Variants in LMO7 observed in about 807,000 individuals in gnomAD.
The protein encoded by LMO7 is LIM domain 7.
A neutral mutation model predicts 206.5 loss-of-function variants in LMO7; 120 were observed. The ratio of observed to expected loss-of-function variants is 0.58; its 90% CI spans 0.50 to 0.68. The LOEUF (loss-of-function observed/expected upper bound fraction) is 0.68, where lower values mean the gene tolerates loss of function less well. Ranked by LOEUF, LMO7 falls within the 30% of genes least tolerant of loss-of-function variation. LMO7 has a pLI of 0.00. For synonymous variants in LMO7, 706 were observed against 681.5 expected (o/e 1.04, Z -0.56); for missense variants, 1,959 against 1,957.9 (o/e 1.00, Z -0.01).
chr13:75,814,276 T>C (rs2056757714), intron 11 of LMO7, among the ~76,000 whole-genome samples: 1 of 152,186 alleles, frequency 6.6e-6, no homozygotes. Context: ...AAAACCTACC[T>C]CATTCTTACC....
intron 4 of LMO7, among the ~76,000 whole-genome samples, chr13:75,780,493 T>C (rs1321712050): frequency 1.3e-5 from 2 of 152,214 alleles, no homozygotes; most frequent in African/African-American, 4.8e-5. Context: ...TTATCTCCCT[T>C]GTTCCCTGAA....
intron 2 of LMO7, among the ~76,000 whole-genome samples, chr13:75,714,976 G>C (rs118152717): frequency 9.0e-4 from 137 of 152,090 alleles, no homozygotes; most frequent in Non-Finnish European, 1.6e-3. Context: ...TGCCTATGAA[G>C]CACGGAGTTT....
chr13:75,778,471 A>G (rs1349554694), intron 4 of LMO7, among the ~76,000 whole-genome samples: 1 of 152,184 alleles, frequency 6.6e-6, no homozygotes, highest in East Asian at 1.9e-4. Context: ...TGACCTCGTG[A>G]TCCACCCGCC....
rs115579689 is a variant in LMO7, at chr13:75,837,941, A to C, written c.3395-199A>C. Among the ~76,000 whole-genome samples, 548 of 152,202 alleles carry C rather than the reference A, an allele frequency of 3.6e-3. 4 individuals carry two copies. Among genetic ancestry groups the C allele is most frequent in the African/African-American group, 0.013 (524 of 41,510 alleles). Reference sequence around the variant, plus strand: ...ATTAATAAAAATATTCATTCCTTCTACTAATTTGAATGTAATGTAGGCTAC... The same window carrying C: ...ATTAATAAAAATATTCATTCCTTCTCCTAATTTGAATGTAATGTAGGCTAC... On this transcript the variant is annotated intron_variant, in intron 19 of 30. Transcript: ENST00000377534.
intron 4 of LMO7, among the ~76,000 whole-genome samples, chr13:75,776,709 A>G (rs958952824): frequency 1.3e-5 from 2 of 152,204 alleles, no homozygotes; most frequent in Non-Finnish European, 2.9e-5. Flanking sequence ...ACATGGGAAC[A>G]TCTAATATTA....
intron 13 of LMO7, among the ~76,000 whole-genome samples, chr13:75,820,890 G>T (rs1308448247): frequency 6.6e-6 from 1 of 151,978 alleles, no homozygotes; most frequent in Non-Finnish European, 1.5e-5. Flanking sequence ...CCAGCTACTC[G>T]GGAGGCTGAG....
At chr13:75,648,551 A>G (rs1594050015) in intron 1 of LMO7, among the ~76,000 whole-genome samples, 2 of 152,156 alleles carry the variant, frequency 1.3e-5, no homozygotes, top group Non-Finnish European at 1.5e-5. Flanking sequence ...TGGCTGTTCC[A>G]TATATCTGCC....
intron 1 of LMO7, among the ~76,000 whole-genome samples, chr13:75,648,610 GTGAT>G (rs2037270117): frequency 6.6e-6 from 1 of 152,222 alleles, no homozygotes; most frequent in African/African-American, 2.4e-5. Flanking sequence ...GCATAGAAAA[GTGAT>G]TGGACTTAAT....
chr13:75,703,391 A>T (rs1488540859), intron 1 of LMO7, among the ~76,000 whole-genome samples: 2 of 152,164 alleles, frequency 1.3e-5, no homozygotes, highest in African/African-American at 4.8e-5. Flanking sequence ...CACTAATTAC[A>T]GTTTAGAGTT....
At chr13:75,758,678 CTTTA>C (rs2047889211) in intron 3 of LMO7, among the ~76,000 whole-genome samples, 2 of 152,142 alleles carry the variant, frequency 1.3e-5, no homozygotes, top group East Asian at 1.9e-4. Context: ...GAGAGTTTGG[CTTTA>C]TTTATCTATC....
upstream of LMO7, among the ~76,000 whole-genome samples, chr13:75,634,379 G>A (rs571599917): frequency 3.9e-5 from 6 of 152,080 alleles, no homozygotes; most frequent in Admixed American, 1.3e-4. Flanking sequence ...TCAAGGTCAC[G>A]GGGAGCTATG....
At position 75,684,528 on chromosome 13, in the gene LMO7, A is replaced by T. The variant is rs1159549592; in HGVS notation, c.70-28654A>T. Among the ~76,000 whole-genome samples, 7 of 143,578 alleles carry T rather than the reference A, an allele frequency of 4.9e-5. No homozygotes were observed. The East Asian group carries it at 1.3e-3, about 27-fold the overall frequency. 94.2% of individuals were successfully genotyped at this position (143,578 alleles called of 152,430 possible). A position where few individuals can be genotyped will look rare whatever the true frequency, so the allele number is the denominator to read the frequency against. On this transcript the variant is annotated intron_variant, in intron 1 of 30. Coordinates refer to ENST00000377534, the MANE Select transcript of LMO7 (RefSeq NM_001306080.2). ...CCAAAGTGCTGGGATTACAGGCGTGAGCCACTGCGCCCGGCCGGCTTTTTT... is the reference window on the plus strand; with the variant it reads ...CCAAAGTGCTGGGATTACAGGCGTGTGCCACTGCGCCCGGCCGGCTTTTTT...
chr13:75,771,561 T>TTTTAAAGACTTTAAAAACAGAATA (rs2049703633), intron 4 of LMO7, among the ~76,000 whole-genome samples: 1 of 152,214 alleles, frequency 6.6e-6, no homozygotes. Context: ...AAAACAGAAT[T>TTTTAAAGACTTTAAAAACAGAATA]TTTAAAGACT....
intron 1 of LMO7, among the ~76,000 whole-genome samples, chr13:75,640,316 A>G (rs1352830765): frequency 6.6e-6 from 1 of 152,152 alleles, no homozygotes. Context: ...CTCCCCTGGT[A>G]GTTGTACCAG....
intron 22 of LMO7, among the ~76,000 whole-genome samples, 170 bp downstream of exon 22, chr13:75,840,665 A>G (rs529184897): frequency 2.6e-5 from 4 of 152,340 alleles, no homozygotes; most frequent in Admixed American, 1.3e-4. Flanking sequence ...CATTTTGAAG[A>G]TTTCCAGAGT....
At chr13:75,835,188 G>A (rs201904439) in intron 17 of LMO7, 45 bp from the exon 18 acceptor site, 20 of 1,603,106 alleles carry the variant, frequency 1.2e-5, no homozygotes, top group South Asian at 2.2e-5. Flanking sequence ...CCATTTATAC[G>A]GCATAAAACC....
At chr13:75,639,181 T>C (rs906098812) in intron 1 of LMO7, among the ~76,000 whole-genome samples, 11 of 152,202 alleles carry the variant, frequency 7.2e-5, no homozygotes, top group Admixed American at 3.3e-4. Context: ...TAATGTGTTA[T>C]TCTCACAACC....
chr13:75,675,886 G>T (rs978632767), intron 1 of LMO7, among the ~76,000 whole-genome samples: 1 of 102,656 alleles, frequency 9.7e-6, no homozygotes, highest in African/African-American at 3.3e-5. Flanking sequence ...GTGCACGAGC[G>T]TGCACACACA....
At chr13:75,654,155 C>T (rs1566277938) in intron 1 of LMO7, among the ~76,000 whole-genome samples, 1 of 152,080 alleles carries the variant, frequency 6.6e-6, no homozygotes, top group Non-Finnish European at 1.5e-5. Context: ...CATGAAGAGA[C>T]TTTAAAGAAG....
Sources: gnomAD v4.1 joint callset for allele counts (sites outside exome capture counted in the v4.1 genomes callset) on GRCh38, gnomAD v4.1.1 for gene constraint, MANE v1.5 for transcripts, NCBI Gene and HGNC (gene_info 2026-07-23, HGNC 2026-07-21) for gene names.